CORO2B: variants seen among roughly 807,000 people sequenced by gnomAD.
CORO2B encodes coronin-2B.
A neutral mutation model predicts 58.8 loss-of-function variants in CORO2B; 26 were observed. The ratio of observed to expected loss-of-function variants is 0.44; its 90% CI spans 0.32 to 0.61. The LOEUF (loss-of-function observed/expected upper bound fraction) is 0.61, where lower values mean the gene tolerates loss of function less well. CORO2B is among the 20% of genes least tolerant of loss of function. The pLI is 0.04. For missense variants in CORO2B, 460 were observed against 645.1 expected, an observed-to-expected ratio of 0.71 and a Z score of 3.11; for synonymous variants, 242 against 253.8, an observed-to-expected ratio of 0.95 and a Z score of 0.44.
chr15:68,559,873 G>GGT, the CORO2B span, among the ~76,000 whole-genome samples: 2 of 152,272 alleles, frequency 1.3e-5, no homozygotes, highest in Non-Finnish European at 2.9e-5. The surrounding 1 kb of genome is among the most constrained non-coding windows in gnomAD (Gnocchi z 4.3). Flanking sequence ...CAAGGCGTGT[G>GGT]GCTCTTGGCA....
chr15:68,715,147 C>T (rs1170556443), intron 7 of CORO2B, 68 bp from the exon 8 acceptor site: 1 of 1,412,258 alleles, frequency 7.1e-7, no homozygotes, highest in Non-Finnish European at 1.0e-6. Flanking sequence ...CAGCTGGCTC[C>T]TGGGACCAGG....
chr15:68,652,451 C>T (rs1174941799), intron 2 of CORO2B, among the ~76,000 whole-genome samples: 1 of 152,226 alleles, frequency 6.6e-6, no homozygotes. Flanking sequence ...ACCCGGACTG[C>T]CTGCCACCTC....
chr15:68,552,967 A>G, the CORO2B span, among the ~76,000 whole-genome samples: 7 of 152,192 alleles, frequency 4.6e-5, no homozygotes, highest in African/African-American at 7.2e-5. Context: ...GGAGACAGAC[A>G]TGTGTTCATC....
At chr15:68,714,773 T>TTCC in intron 7 of CORO2B, 110 bp downstream of exon 7, 1 of 800,782 alleles carries the variant, frequency 1.2e-6, no homozygotes, top group South Asian at 1.6e-5. Flanking sequence ...ACCTTCCAAG[T>TTCC]TCCTGGGCCT....
At chr15:68,580,170 G>A (rs1214284524) in intron 1 of CORO2B, among the ~76,000 whole-genome samples, 3 of 152,214 alleles carry the variant, frequency 2.0e-5, no homozygotes, top group African/African-American at 7.2e-5. Flanking sequence ...GGTTGTGACA[G>A]GCTGTTAAAG....
intron 1 of CORO2B, among the ~76,000 whole-genome samples, chr15:68,579,496 G>A (rs1025753538): frequency 1.3e-5 from 2 of 151,856 alleles, no homozygotes; most frequent in African/African-American, 4.8e-5. Context: ...CCGGCGGTTT[G>A]GCCAACATCC....
intron 1 of CORO2B, among the ~76,000 whole-genome samples, chr15:68,634,705 C>T (rs183869552): frequency 1.9e-3 from 285 of 152,258 alleles, no homozygotes; most frequent in African/African-American, 6.6e-3. Flanking sequence ...CCTCAGCAAT[C>T]TATGTTTTCA....
upstream of CORO2B, chr15:68,578,931 G>C: frequency 2.9e-6 from 2 of 687,352 alleles, no homozygotes; most frequent in Non-Finnish European, 3.6e-6. The surrounding 1 kb of genome is among the most constrained non-coding windows in gnomAD (Gnocchi z 4.2). Flanking sequence ...CCTTTGTAGC[G>C]AGTTCCCGGC....
chr15:68,565,089 TTTAA>T, the CORO2B span, among the ~76,000 whole-genome samples: 10 of 152,322 alleles, frequency 6.6e-5, no homozygotes, highest in African/African-American at 2.2e-4. Context: ...AAAAGTGTTC[TTTAA>T]TTAATTATGA....
intron 2 of CORO2B, among the ~76,000 whole-genome samples, chr15:68,658,568 A>G (rs1901906464): frequency 1.3e-5 from 2 of 152,188 alleles, no homozygotes; most frequent in South Asian, 4.1e-4. Flanking sequence ...ACCCTGATCT[A>G]TAGAATTCTG....
chr15:68,708,030 A>T (rs1892823203), intron 3 of CORO2B, among the ~76,000 whole-genome samples: 1 of 151,796 alleles, frequency 6.6e-6, no homozygotes, highest in Non-Finnish European at 1.5e-5. Flanking sequence ...GACAATGGGG[A>T]TGGGAAAATA....
intron 11 of CORO2B, among the ~76,000 whole-genome samples, chr15:68,722,683 G>A (rs553415863): frequency 6.6e-6 from 1 of 152,186 alleles, no homozygotes; most frequent in Non-Finnish European, 1.5e-5. Context: ...CAAATAGCAC[G>A]TCATCCCTCT....
chr15:68,665,618 C>T (rs1175616003), intron 2 of CORO2B, among the ~76,000 whole-genome samples: 3 of 151,462 alleles, frequency 2.0e-5, no homozygotes, highest in Admixed American at 6.6e-5. Flanking sequence ...TTTTGTAGTC[C>T]TTTGTGTCCT....
chr15:68,521,757 T>G, the CORO2B span, among the ~76,000 whole-genome samples: 1 of 150,974 alleles, frequency 6.6e-6, no homozygotes, highest in East Asian at 1.9e-4. Context: ...TTTCTTTTCT[T>G]TTTTGTTTTT....
At chr15:68,670,236 G>A (rs191655835) in intron 2 of CORO2B, among the ~76,000 whole-genome samples, 2,164 of 151,710 alleles carry the variant, frequency 0.014, 55 homozygotes, top group African/African-American at 0.049. Flanking sequence ...GTGCAGTGGC[G>A]TGATATTAGC....
chr15:68,636,323 A>G (rs1901029531), intron 1 of CORO2B, among the ~76,000 whole-genome samples: 1 of 152,186 alleles, frequency 6.6e-6, no homozygotes, highest in Admixed American at 6.5e-5. Flanking sequence ...CCTTCTCCTT[A>G]CATGTCCGGC....
the CORO2B span, among the ~76,000 whole-genome samples, chr15:68,560,296 A>C: frequency 1.8e-4 from 22 of 125,326 alleles, no homozygotes; most frequent in African/African-American, 3.5e-4. Flanking sequence ...TTCTTTCTTT[A>C]TTTTTTTTTT....
chr15:68,529,774 A>T, the CORO2B span, among the ~76,000 whole-genome samples: 1 of 152,236 alleles, frequency 6.6e-6, no homozygotes, highest in Non-Finnish European at 1.5e-5. Flanking sequence ...CCATTCTAAT[A>T]TGAGCATTTA....
Position 68,641,314 on chromosome 15 carries a change from T to C in CORO2B, c.16-3846T>C, listed in dbSNP as rs527418539. ...TCCAGCTCAGAAGTGCTAGCTGGGC[T>C]GTGGGGGCAACAGGAGATGGATAAG... On this transcript the variant is annotated intron_variant, in intron 1 of 11. Transcript: ENST00000261861. Among the ~76,000 whole-genome samples, 19 of 152,294 alleles carry C rather than the reference T, an allele frequency of 1.2e-4. No homozygotes were observed. In the East Asian group the frequency reaches 3.7e-3, roughly 29 times the overall value.
Sources: gnomAD v4.1 joint callset for allele counts (sites outside exome capture counted in the v4.1 genomes callset) on GRCh38, gnomAD v4.1.1 for gene constraint, Gnocchi (gnomAD v3.1) non-coding constraint, MANE v1.5 for transcripts, NCBI Gene and HGNC (gene_info 2026-07-23, HGNC 2026-07-21) for gene names.